The following EHD4 variants were observed in gnomAD, a reference collection of about 807,000 sequenced individuals.
EHD4 encodes the protein EH domain-containing protein 4.
EHD4 carries 37 observed loss-of-function variants against 51.0 expected under a neutral mutation model. The observed-to-expected ratio is 0.73, with a 90% CI of 0.56 to 0.95. The LOEUF is 0.95. Among genes scored for constraint, EHD4 ranks in the 40% least tolerant of loss-of-function variants. The pLI, the probability that EHD4 is intolerant of heterozygous loss-of-function variation, is 0.00. For missense variants in EHD4, 632 were observed against 733.1 expected, an observed-to-expected ratio of 0.86 and a Z score of 1.59; for synonymous variants, 297 against 317.3, an observed-to-expected ratio of 0.94 and a Z score of 0.68.
rs765413065 is a variant in EHD4, at chr15:41,900,672, G to A, written c.1599C>T (p.His533=). 7.5e-6 allele frequency: 12 copies of A among 1,600,762 alleles called. No homozygotes were observed. The African/African-American group carries it at 1.6e-4, about 21-fold the overall frequency. Residue 533 remains histidine, a synonymous_variant, in exon 6 of 6, where the codon CAC becomes CAT. Transcript: ENST00000220325. The surrounding 1 kb of genome is among the most constrained non-coding windows in gnomAD (Gnocchi z 4.8). ...AGTCGGCCTTGGGCAGGGACTTCCT[G>A]TGCGAGGGGGGCACGAGGTGGGGGG... is the stretch of plus-strand genomic sequence containing the variant. ...SLPPHLVPPS[H]RKSLPKAD
rs542521757 is a variant in EHD4 at position 41,899,446 on chromosome 15, G to C, written c.*1199C>G. 3.3e-5 allele frequency: 5 copies of C among 151,358 alleles called. No homozygotes were observed. The highest frequency in any genetic ancestry group is 1.2e-4 in the African/African-American group (5 of 41,208). 9.4% of individuals were successfully genotyped at this position (151,358 alleles called of 1,614,324 possible). A position where few individuals can be genotyped will look rare whatever the true frequency, so the allele number is the denominator to read the frequency against. ...TGATACGAACCACACAGCCTTTAAA[G>C]AAAAGGTTTTATATGAAAGGTTCCA... On this transcript the variant is annotated 3_prime_UTR_variant, in exon 6 of 6. Transcript: ENST00000220325.
chr15:41,913,759 T>C (rs1367409710), intron 4 of EHD4, among the ~76,000 whole-genome samples: 1 of 152,210 alleles, frequency 6.6e-6, no homozygotes, highest in Non-Finnish European at 1.5e-5. Context: ...AGTAATATAA[T>C]GAATTTGGGT....
intron 3 of EHD4, among the ~76,000 whole-genome samples, chr15:41,935,746 A>T (rs1229122246): frequency 6.6e-6 from 1 of 152,184 alleles, no homozygotes; most frequent in Non-Finnish European, 1.5e-5. Flanking sequence ...CAGCCACCTT[A>T]AAATGTAGTG....
intron 1 of EHD4, among the ~76,000 whole-genome samples, chr15:41,959,475 C>T (rs4924591): frequency 0.099 from 14,789 of 150,062 alleles, 970 homozygotes; most frequent in Non-Finnish European, 0.15. Context: ...TCGTGCATAC[C>T]TTGGCATCTG....
intron 2 of EHD4, among the ~76,000 whole-genome samples, chr15:41,944,737 C>T (rs139373353): frequency 2.4e-4 from 37 of 152,262 alleles, no homozygotes; most frequent in African/African-American, 7.9e-4. Flanking sequence ...TGCTAATGCA[C>T]GGCTGGTTGC....
chr15:41,925,888 A>G (rs2067657324), intron 3 of EHD4, among the ~76,000 whole-genome samples: 1 of 152,226 alleles, frequency 6.6e-6, no homozygotes, highest in Non-Finnish European at 1.5e-5. Flanking sequence ...GGCCAGAGAA[A>G]GAGCCACCAG....
intron 1 of EHD4, among the ~76,000 whole-genome samples, chr15:41,961,874 TAC>T (rs2067926451): frequency 6.6e-6 from 1 of 151,776 alleles, no homozygotes; most frequent in Admixed American, 6.6e-5. Context: ...AGGTAACTGA[TAC>T]AGTTATCTAT....
At chr15:41,920,860 C>T (rs1211770743) in intron 3 of EHD4, among the ~76,000 whole-genome samples, 1 of 152,162 alleles carries the variant, frequency 6.6e-6, no homozygotes, top group Non-Finnish European at 1.5e-5. Context: ...ATACAAAATA[C>T]TCAACCATCT....
intron 2 of EHD4, among the ~76,000 whole-genome samples, chr15:41,949,016 C>CTATATG (rs2067833916): frequency 1.1e-5 from 1 of 92,446 alleles, no homozygotes; most frequent in Non-Finnish European, 2.1e-5. Flanking sequence ...CAGAGTGAGA[C>CTATATG]TATATATATA....
chr15:41,951,160 C>T (rs1356729382), intron 2 of EHD4, among the ~76,000 whole-genome samples: 1 of 152,198 alleles, frequency 6.6e-6, no homozygotes, highest in Non-Finnish European at 1.5e-5. Context: ...ATTAAAGTAA[C>T]CTCTTTATGC....
chr15:41,905,703 C>G (rs938785273), intron 5 of EHD4, among the ~76,000 whole-genome samples: 5 of 152,174 alleles, frequency 3.3e-5, no homozygotes. Flanking sequence ...ACAGGGTCTC[C>G]TCTGTCGCCC....
At chr15:41,949,720 A>G (rs1237241937) in intron 2 of EHD4, among the ~76,000 whole-genome samples, 4 of 152,186 alleles carry the variant, frequency 2.6e-5, no homozygotes, top group African/African-American at 9.7e-5. Context: ...GGAAGATAAC[A>G]ATTTAAAATA....
chr15:41,962,995 C>G lies in EHD4; in HGVS notation c.237-9055G>C, dbSNP rs1011457372. Reference sequence around the variant, plus strand: ...ATGCTGTTAATCTATGACTTTACCCCCAACCCCGTGCTCTCTGAAACATGT... The same window carrying G: ...ATGCTGTTAATCTATGACTTTACCCGCAACCCCGTGCTCTCTGAAACATGT... On this transcript the variant is annotated intron_variant, in intron 1 of 5. Transcript: ENST00000220325. Among the ~76,000 whole-genome samples the G allele has an allele frequency of 2.6e-5, 4 of 152,258 alleles. No individual in the cohort carries two copies. The East Asian group carries it at 5.8e-4, about 22-fold the overall frequency.
At chr15:41,909,617 C>T in intron 5 of EHD4, 82 bp downstream of exon 5, 2 of 1,519,822 alleles carry the variant, frequency 1.3e-6, no homozygotes, top group Non-Finnish European at 1.8e-6. Flanking sequence ...ATGGGACTCT[C>T]ATTTGTCTCC....
chr15:41,936,819 A>C (rs1229598357), intron 3 of EHD4, among the ~76,000 whole-genome samples: 1 of 152,238 alleles, frequency 6.6e-6, no homozygotes, highest in Non-Finnish European at 1.5e-5. Context: ...TTCCCGTGGC[A>C]CCAGCGGAAA....
rs1277952180 is a variant in EHD4 at position 41,899,958 on chromosome 15, G to A, written c.*687C>T. On this transcript the variant is annotated 3_prime_UTR_variant, in exon 6 of 6. Coordinates refer to ENST00000220325, the MANE Select transcript of EHD4 (RefSeq NM_139265.4). ...CTTTGCTGGTAAGCCCCCTGGAAGG[G>A]AGGTTGGGAGGGCTGACCAGATGGT... The A allele has an allele frequency of 6.6e-6, 1 of 152,410 alleles. No individual in the cohort carries two copies. The highest frequency in any genetic ancestry group is 1.5e-5 in the Non-Finnish European group (1 of 68,038). 9.4% of individuals were successfully genotyped at this position (152,410 alleles called of 1,614,324 possible). A position where few individuals can be genotyped will look rare whatever the true frequency, so the allele number is the denominator to read the frequency against.
At chr15:41,929,447 G>A (rs1437688691) in intron 3 of EHD4, among the ~76,000 whole-genome samples, 3 of 152,222 alleles carry the variant, frequency 2.0e-5, no homozygotes, top group Non-Finnish European at 4.4e-5. Context: ...GCCAGTACTC[G>A]GCCCACTGAA....
intron 4 of EHD4, among the ~76,000 whole-genome samples, chr15:41,914,643 G>A (rs752912401): frequency 1.3e-5 from 2 of 152,148 alleles, no homozygotes; most frequent in African/African-American, 2.4e-5. Flanking sequence ...AGTAGCTCAG[G>A]GCTGCTGACT....
At chr15:41,967,305 C>T (rs1430545980) in intron 1 of EHD4, among the ~76,000 whole-genome samples, 1 of 152,160 alleles carries the variant, frequency 6.6e-6, no homozygotes, top group Admixed American at 6.5e-5. Context: ...ATGAGGGGGT[C>T]CCTCCTATGC....
Sources: gnomAD v4.1 joint callset for allele counts (sites outside exome capture counted in the v4.1 genomes callset) on GRCh38, gnomAD v4.1.1 for gene constraint, Gnocchi (gnomAD v3.1) non-coding constraint, MANE v1.5 for transcripts, NCBI Gene and HGNC (gene_info 2026-07-23, HGNC 2026-07-21) for gene names.